Variants in FAM78A observed in about 807,000 individuals in gnomAD.
FAM78A encodes the protein family with sequence similarity 78 member A.
FAM78A carries 12 observed loss-of-function variants against 22.6 expected under a neutral mutation model. The observed-to-expected ratio is 0.53, with a 90% CI of 0.34 to 0.86. The LOEUF is 0.86. Ranked by LOEUF, FAM78A falls within the 40% of genes least tolerant of loss-of-function variation. FAM78A has a pLI of 0.02. For missense variants in FAM78A, 322 were observed against 396.1 expected (o/e 0.81, Z 1.59); for synonymous variants, 151 against 155.8 (o/e 0.97, Z 0.23).
At position 131,270,999 on chromosome 9, in the gene FAM78A, G is replaced by GCC. The variant is rs1311041330; in HGVS notation, c.323+4857_323+4858insGG. On this transcript the variant is annotated intron_variant, in intron 1 of 1. Transcript: ENST00000372271. ...ACCCCTGCCCTGTCCTTTCCCACCA[G>GCC]TCTTTTTTTTTTTTTTTTTTTTTTG... Among the ~76,000 whole-genome samples the GCC allele has an allele frequency of 4.0e-4, 53 of 131,956 alleles. 3 individuals are homozygous for GCC. Among genetic ancestry groups the GCC allele is most frequent in the African/African-American group, 1.1e-3 (39 of 34,358 alleles). The allele number at this position is 131,956 out of a possible 152,430, so 86.6% of individuals were successfully genotyped here.
At position 131,261,322 on chromosome 9, in the gene FAM78A, C is replaced by G. The variant is rs139544612; in HGVS notation, c.352G>C (p.Glu118Gln). Residue 118 changes from glutamate to glutamine, a missense_variant, in exon 2 of 2, where the codon GAG becomes CAG. Glu to Gln is a conservative substitution (Grantham distance 29, BLOSUM62 2). Transcript: ENST00000372271. This position sits in a 1 kb window ranked among gnomAD's most constrained non-coding sequence, Gnocchi z 7.1. ...TCGCTGATGGCTTGGATCTTGCCCT[C>G]CTGGAGGTCGGGGAGCTCCCAGCTG... Reference protein sequence around the residue: ...MSSWELPDLQEGKIQAISDSD... With the variant: ...MSSWELPDLQQGKIQAISDSD... 34 of 1,596,656 alleles carry G rather than the reference C, an allele frequency of 2.1e-5. No individual in the cohort carries two copies. The highest frequency in any genetic ancestry group is 2.5e-5 in the Non-Finnish European group (30 of 1,176,954).
upstream of FAM78A, among the ~76,000 whole-genome samples, chr9:131,277,644 C>G (rs1357187749): frequency 6.6e-6 from 1 of 151,732 alleles, no homozygotes; most frequent in Non-Finnish European, 1.5e-5. The surrounding 1 kb of genome is among the most constrained non-coding windows in gnomAD (Gnocchi z 8.4). Context: ...ACCCCCTTCC[C>G]CGGGCACTGT....
In FAM78A at chr9:131,275,726, C is replaced by A; in HGVS notation, c.323+131G>T. The A allele has an allele frequency of 9.7e-7, 1 of 1,025,848 alleles. No homozygotes were observed. The highest frequency in any genetic ancestry group is 1.4e-6 in the Non-Finnish European group (1 of 723,998). The allele number at this position is 1,025,848 out of a possible 1,614,324, so 63.5% of individuals were successfully genotyped here. On this transcript the variant is annotated intron_variant, in intron 1 of 1. Transcript: ENST00000372271. The surrounding 1 kb of genome is among the most constrained non-coding windows in gnomAD (Gnocchi z 4.6). ...CCAATGAGGCCACCTGCATACCTGC[C>A]TAAAGCTTCCCTCTGGCCTCCGTCC...
In FAM78A at chr9:131,275,930, CCTT is replaced by C; in HGVS notation, c.247_249del (p.Lys83del). Reference sequence around the variant, plus strand: ...TGGATCCAGCCAACTACCCAAGTCTCCTTCTTGGGGATGGGCGGCATGACCACC... The same window carrying C: ...TGGATCCAGCCAACTACCCAAGTCTCCTTGGGGATGGGCGGCATGACCACC... On this transcript the variant is annotated inframe_deletion, in exon 1 of 2. Transcript: ENST00000372271. The surrounding 1 kb of genome is among the most constrained non-coding windows in gnomAD (Gnocchi z 4.6). 6.2e-7 allele frequency: 1 copy of C among 1,613,430 alleles called. No homozygotes were observed. Among genetic ancestry groups the C allele is most frequent in the Admixed American group, 1.7e-5 (1 of 60,024 alleles).
chr9:131,276,165 G>C lies in FAM78A; in HGVS notation c.15C>G (p.Phe5Leu). ...TCTCCAGGGAAGGCCAGCAGTCACAGAAAAAACCAGGCATTGAAAGGACAG... is the reference window on the plus strand; with the variant it reads ...TCTCCAGGGAAGGCCAGCAGTCACACAAAAAACCAGGCATTGAAAGGACAG... MPGF[F>L]CDCWPSLEIR... is the part of the protein sequence containing the mutation. Residue 5 changes from phenylalanine to leucine, a missense_variant, in exon 1 of 2, where the codon TTC (phenylalanine) becomes TTG (leucine). Transcript: ENST00000372271. This position sits in a 1 kb window ranked among gnomAD's most constrained non-coding sequence, Gnocchi z 4.3. 6.2e-7 allele frequency: 1 copy of C among 1,611,502 alleles called. No individual in the cohort carries two copies. Among genetic ancestry groups the C allele is most frequent in the Non-Finnish European group, 8.5e-7 (1 of 1,178,928 alleles).
rs568833165 is a variant in FAM78A at position 131,270,405 on chromosome 9, T to A, written c.323+5452A>T. 1.2e-3 allele frequency: 879 copies of A among 717,422 alleles called. 3 individuals carry two copies. The highest frequency in any genetic ancestry group is 1.6e-3 in the Non-Finnish European group (607 of 385,116). The allele number at this position is 717,422 out of a possible 1,614,324, so 44.4% of individuals were successfully genotyped here. The stretch of plus-strand genomic sequence containing the variant: ...ACTCCAATCAGCAAAACAAAGGATA[T>A]CAGTATGTAACTTGTCATTTCCCTG... On this transcript the variant is annotated intron_variant, in intron 1 of 1. Transcript: ENST00000372271.
upstream of FAM78A, among the ~76,000 whole-genome samples, chr9:131,276,988 G>A (rs984312060): frequency 1.3e-5 from 2 of 149,660 alleles, no homozygotes; most frequent in Non-Finnish European, 3.0e-5. This position sits in a 1 kb window ranked among gnomAD's most constrained non-coding sequence, Gnocchi z 4.3. Context: ...CAGCCTCAAA[G>A]TTAAGCCGAA....
intron 1 of FAM78A, chr9:131,264,736 T>G (rs1038837245): frequency 1.6e-6 from 1 of 642,776 alleles, no homozygotes; most frequent in African/African-American, 1.8e-5. Flanking sequence ...CTTTTTTTTT[T>G]TTTTTGAGAC....
In FAM78A at chr9:131,260,720, G is replaced by GT; in HGVS notation, c.*101dup. 7.1e-7 allele frequency: 1 copy of GT among 1,414,794 alleles called. No individual in the cohort carries two copies. The highest frequency in any genetic ancestry group is 9.4e-7 in the Non-Finnish European group (1 of 1,061,688). The allele number at this position is 1,414,794 out of a possible 1,614,324, so 87.6% of individuals were successfully genotyped here. A position where few individuals can be genotyped will look rare whatever the true frequency, so the allele number is the denominator to read the frequency against. On this transcript the variant is annotated 3_prime_UTR_variant, in exon 2 of 2. Transcript: ENST00000372271. The surrounding 1 kb of genome is among the most constrained non-coding windows in gnomAD (Gnocchi z 5.4). ...CAGTGAGATCCGCCCGCTGGAGAGG[G>GT]TAGAATGGTTGTATCTTGCTGAATG...
At chr9:131,267,510 G>C (rs1835359811) in intron 1 of FAM78A, among the ~76,000 whole-genome samples, 1 of 152,128 alleles carries the variant, frequency 6.6e-6, no homozygotes, top group African/African-American at 2.4e-5. Flanking sequence ...CTCCAGCCTG[G>C]ACAACAGAGT....
At chr9:131,277,719 T>C (rs2131200953), upstream of FAM78A, among the ~76,000 whole-genome samples, 1 of 150,640 alleles carries the variant, frequency 6.6e-6, no homozygotes, top group East Asian at 2.0e-4. The surrounding 1 kb of genome is among the most constrained non-coding windows in gnomAD (Gnocchi z 8.4). Context: ...CCTCCCGGCT[T>C]GGGGCTTCGG....
rs1346472263 is a variant in FAM78A at position 131,260,664 on chromosome 9, A to G, written c.*158T>C. 4 of 794,766 alleles carry G rather than the reference A, an allele frequency of 5.0e-6. No individual in the cohort carries two copies. In the Admixed American group the frequency reaches 1.4e-4, roughly 27 times the overall value. 49.2% of individuals were successfully genotyped at this position (794,766 alleles called of 1,614,324 possible). On this transcript the variant is annotated 3_prime_UTR_variant, in exon 2 of 2. Coordinates refer to ENST00000372271, the MANE Select transcript of FAM78A (RefSeq NM_033387.4). The surrounding 1 kb of genome is among the most constrained non-coding windows in gnomAD (Gnocchi z 5.4). ...TCCCTGAAAGGAAGCAGGTGCCGAG[A>G]GCCGGGGAGGCCTTCCCGGGGGCAT...
rs923872788 is a variant in FAM78A, at chr9:131,274,585, C to T, written c.323+1272G>A. 6.6e-6 allele frequency among the ~76,000 whole-genome samples: 1 copy of T among 152,214 alleles called. No homozygotes were observed. Among genetic ancestry groups the T allele is most frequent in the African/African-American group, 2.4e-5 (1 of 41,450 alleles). The stretch of plus-strand genomic sequence containing the variant: ...CCTCTTTGGGACAGTCACTGTCACA[C>T]GCTGGACTTAAGGGTTACTGTGATC... On this transcript the variant is annotated intron_variant, in intron 1 of 1. Coordinates refer to ENST00000372271, the MANE Select transcript of FAM78A (RefSeq NM_033387.4). This position sits in a 1 kb window ranked among gnomAD's most constrained non-coding sequence, Gnocchi z 4.2.
rs1251530326 is a variant in FAM78A, at chr9:131,261,086, G to C, written c.588C>G (p.Thr196=). Residue 196 remains threonine (T), a synonymous_variant, in exon 2 of 2, where the codon ACC becomes ACG. Coordinates refer to ENST00000372271, the MANE Select transcript of FAM78A (RefSeq NM_033387.4). The surrounding 1 kb of genome is among the most constrained non-coding windows in gnomAD (Gnocchi z 7.1). ...DQSFTTWLVA[T]NTSTNDMIIL... is the part of the protein sequence containing the mutation. ...TGATCATGTCGTTGGTGGAGGTGTTGGTGGCCACCAGCCAGGTGGTGAAGC... is the reference window on the plus strand; with the variant it reads ...TGATCATGTCGTTGGTGGAGGTGTTCGTGGCCACCAGCCAGGTGGTGAAGC... The C allele has an allele frequency of 1.2e-6, 2 of 1,614,052 alleles. No individual in the cohort carries two copies. Among genetic ancestry groups the C allele is most frequent in the Non-Finnish European group, 8.5e-7 (1 of 1,180,028 alleles).
In FAM78A at chr9:131,258,111, A is replaced by G. The variant is rs1835211920; in HGVS notation, c.*2711T>C. On this transcript the variant is annotated 3_prime_UTR_variant, in exon 2 of 2. Transcript: ENST00000372271. ...AATTACATTTTATTTCTCTTTATGA[A>G]TATTTGCTTTTTGTTTTTTGTAAAA... The G allele has an allele frequency of 7.1e-6, 1 of 139,970 alleles. No individual in the cohort carries two copies. The highest frequency in any genetic ancestry group is 2.4e-4 in the South Asian group (1 of 4,154). The allele number at this position is 139,970 out of a possible 1,614,324, so 8.7% of individuals were successfully genotyped here. A position where few individuals can be genotyped will look rare whatever the true frequency, so the allele number is the denominator to read the frequency against.
At chr9:131,263,273 G>T (rs1835297757) in intron 1 of FAM78A, among the ~76,000 whole-genome samples, 1 of 149,886 alleles carries the variant, frequency 6.7e-6, no homozygotes, top group Non-Finnish European at 1.5e-5. Flanking sequence ...AAAGAGTTCT[G>T]AAGATAGATG....
chr9:131,261,317 G>GC lies in FAM78A; in HGVS notation c.356dup (p.Lys120GlnfsTer41). ...CCGAGTCGCTGATGGCTTGGATCTT[G>GC]CCCTCCTGGAGGTCGGGGAGCTCCC... On this transcript the variant is annotated frameshift_variant, in exon 2 of 2. Coordinates refer to ENST00000372271, the MANE Select transcript of FAM78A (RefSeq NM_033387.4). LOFTEE classifies it high-confidence loss of function. This position sits in a 1 kb window ranked among gnomAD's most constrained non-coding sequence, Gnocchi z 7.1. The GC allele has an allele frequency of 1.9e-5, 31 of 1,599,656 alleles. No individual in the cohort carries two copies. The highest frequency in any genetic ancestry group is 2.5e-5 in the Non-Finnish European group (30 of 1,177,990).
chr9:131,276,122 C>T lies in FAM78A; in HGVS notation c.58G>A (p.Ala20Thr). ...CCGATGCTCTGAATACAGCCCATGG[C>T]ATACAGGAGCGCTCTGATCTCCAGG... ...PSLEIRALLY[A>T]MGCIQSIGGK... Residue 20 changes from alanine to threonine, a missense_variant, in exon 1 of 2, where the codon GCC (alanine) becomes ACC (threonine). Coordinates refer to ENST00000372271, the MANE Select transcript of FAM78A (RefSeq NM_033387.4). This position sits in a 1 kb window ranked among gnomAD's most constrained non-coding sequence, Gnocchi z 4.3. 1.2e-6 allele frequency: 2 copies of T among 1,613,670 alleles called. No individual in the cohort carries two copies. The highest frequency in any genetic ancestry group is 1.7e-6 in the Non-Finnish European group (2 of 1,180,012).
intron 1 of FAM78A, chr9:131,264,267 T>A: frequency 2.9e-6 from 1 of 341,360 alleles, no homozygotes; most frequent in East Asian, 5.1e-5. Flanking sequence ...GGGGTTTTCT[T>A]TCCTTTCCCA....
Sources: allele counts gnomAD v4.1 joint callset (sites outside exome capture counted in the v4.1 genomes callset), GRCh38; gene constraint gnomAD v4.1.1; non-coding constraint Gnocchi (gnomAD v3.1); transcripts MANE v1.5; gene names NCBI Gene and HGNC (gene_info 2026-07-23, HGNC 2026-07-21).